Variants in FOXK1 observed in about 807,000 individuals in gnomAD.
The protein encoded by FOXK1 is forkhead box protein K1.
FOXK1 carries 19 observed loss-of-function variants against 51.9 expected under a neutral mutation model. The observed-to-expected ratio is 0.37, with a 90% CI of 0.26 to 0.54. The LOEUF is 0.54. FOXK1 is among the 20% of genes least tolerant of loss of function. The pLI is 0.87. For synonymous variants in FOXK1, 537 were observed against 482.6 expected (o/e 1.11, Z -1.48); for missense variants, 870 against 1,032.7 (o/e 0.84, Z 2.16).
Position 4,755,278 on chromosome 7 carries a change from G to T in FOXK1, c.945G>T (p.Val315=), listed in dbSNP as rs1163747411. The change falls in exon 4 of 9, where the codon GTG becomes GTT. Residue 315 remains valine (V), a synonymous_variant. Coordinates refer to ENST00000328914, the MANE Select transcript of FOXK1 (RefSeq NM_001037165.2). This position sits in a 1 kb window ranked among gnomAD's most constrained non-coding sequence, Gnocchi z 6.6. ...KPPFSYAQLI[V]QAISSAQDRQ... The stretch of plus-strand genomic sequence containing the variant: ...CGTTCTCCTACGCGCAGCTGATCGT[G>T]CAGGCCATCTCCTCCGCCCAGGACC... The T allele has an allele frequency of 6.2e-7, 1 of 1,613,956 alleles. No homozygotes were observed. Among genetic ancestry groups the T allele is most frequent in the Non-Finnish European group, 8.5e-7 (1 of 1,180,044 alleles).
chr7:4,705,540 T>TCG (rs1554249257), intron 1 of FOXK1, among the ~76,000 whole-genome samples: 40 of 127,614 alleles, frequency 3.1e-4, no homozygotes, highest in African/African-American at 1.2e-3. Context: ...TCTCTCTCTC[T>TCG]CTCTCTCTCT....
chr7:4,704,664 C>G (rs1321570687), intron 1 of FOXK1, among the ~76,000 whole-genome samples: 1 of 152,042 alleles, frequency 6.6e-6, no homozygotes, highest in Non-Finnish European at 1.5e-5. Flanking sequence ...AGGCTGACAT[C>G]AGTGACAGCA....
In FOXK1 at chr7:4,758,708, G is replaced by C. The variant is rs1780887478; in HGVS notation, c.1245-343G>C. 1 of 284,826 alleles carries C rather than the reference G, an allele frequency of 3.5e-6. No homozygotes were observed. Among genetic ancestry groups the C allele is most frequent in the South Asian group, 8.6e-5 (1 of 11,596 alleles). The allele number at this position is 284,826 out of a possible 1,614,324, so 17.6% of individuals were successfully genotyped here. A position where few individuals can be genotyped will look rare whatever the true frequency, so the allele number is the denominator to read the frequency against. ...GTGGAACGGTTGCGCCCACCAAACA[G>C]AAGCTTATGTTTTTGGCACAGAAGG... On this transcript the variant is annotated intron_variant, in intron 5 of 8. Coordinates refer to ENST00000328914, the MANE Select transcript of FOXK1 (RefSeq NM_001037165.2). This position sits in a 1 kb window ranked among gnomAD's most constrained non-coding sequence, Gnocchi z 4.4.
chr7:4,694,161 A>T (rs1352533014), intron 1 of FOXK1, among the ~76,000 whole-genome samples: 1 of 152,238 alleles, frequency 6.6e-6, no homozygotes, highest in African/African-American at 2.4e-5. Flanking sequence ...TGCTGGGATT[A>T]TAGGCCTGAG....
Position 4,766,984 on chromosome 7 carries a change from G to A in FOXK1, c.*4520G>A, listed in dbSNP as rs1781020376. 6.6e-6 allele frequency: 1 copy of A among 152,226 alleles called. No homozygotes were observed. 9.4% of individuals were successfully genotyped at this position (152,226 alleles called of 1,614,324 possible). The stretch of plus-strand genomic sequence containing the variant: ...TGGAGACAAAGAACAGACCTCAGTG[G>A]GAAAAATGAAAACGTAATGGAACAC... On this transcript the variant is annotated 3_prime_UTR_variant, in exon 9 of 9. Transcript: ENST00000328914. The surrounding 1 kb of genome is among the most constrained non-coding windows in gnomAD (Gnocchi z 5.5).
Position 4,740,866 on chromosome 7 carries a change from A to G in FOXK1, c.589A>G (p.Ile197Val), listed in dbSNP as rs377212477. ...QCTFRFPSTA[I>V]KIQFTSLYHK... ...TACCTTCCGGTTTCCCAGCACGGCC[A>G]TCAAGATCCAGTTCACGTCGCTCTA... The change falls in exon 2 of 9, where the codon ATC (isoleucine) becomes GTC (valine). Residue 197 changes from isoleucine (I) to valine (V), a missense_variant. Physicochemically the swap from Ile to Val is conservative, Grantham distance 29. Around this residue, in one of 3 missense-constraint regions of FOXK1, gnomAD observed 399 missense variants for 475.6 expected, o/e 0.84. Transcript: ENST00000328914. 2 of 1,596,212 alleles carry G rather than the reference A, an allele frequency of 1.3e-6. No homozygotes were observed. Among genetic ancestry groups the G allele is most frequent in the African/African-American group, 1.4e-5 (1 of 73,650 alleles).
rs1238365755 is a variant in FOXK1, at chr7:4,745,092, TCTC to T, written c.746+4076_746+4078del. The stretch of plus-strand genomic sequence containing the variant: ...CTGCCCTTCCCTGCCACCTCCCCAC[TCTC>T]CTCCTCTCTGGCTGCGCTCCCTAAC... On this transcript the variant is annotated intron_variant, in intron 2 of 8. Transcript: ENST00000328914. This position sits in a 1 kb window ranked among gnomAD's most constrained non-coding sequence, Gnocchi z 4.3. Among the ~76,000 whole-genome samples, 2 of 152,062 alleles carry T rather than the reference TCTC, an allele frequency of 1.3e-5. No individual in the cohort carries two copies. The highest frequency in any genetic ancestry group is 2.1e-4 in the South Asian group (1 of 4,822).
rs116584336 is a variant in FOXK1 at position 4,761,321 on chromosome 7, C to T, written c.1921+33C>T. Reference sequence around the variant, plus strand: ...CCTGGCCCTGTTCTCCATGCCACATCCCAAGCTCTGTGGCTCCCAGTAGTC... The same window carrying T: ...CCTGGCCCTGTTCTCCATGCCACATTCCAAGCTCTGTGGCTCCCAGTAGTC... On this transcript the variant is annotated intron_variant, in intron 8 of 8. Coordinates refer to ENST00000328914, the MANE Select transcript of FOXK1 (RefSeq NM_001037165.2). This position sits in a 1 kb window ranked among gnomAD's most constrained non-coding sequence, Gnocchi z 6.2. 851 of 1,586,672 alleles carry T rather than the reference C, an allele frequency of 5.4e-4. 1 individual carries two copies. The African/African-American group carries it at 8.2e-3, about 15-fold the overall frequency.
chr7:4,740,823 C>G lies in FOXK1; in HGVS notation c.561-15C>G. The G allele has an allele frequency of 1.3e-6, 2 of 1,585,680 alleles. No homozygotes were observed. Among genetic ancestry groups the G allele is most frequent in the Non-Finnish European group, 8.5e-7 (1 of 1,169,784 alleles). On this transcript the variant is annotated splice_polypyrimidine_tract_variant and intron_variant, in intron 1 of 8. Coordinates refer to ENST00000328914, the MANE Select transcript of FOXK1 (RefSeq NM_001037165.2). The stretch of plus-strand genomic sequence containing the variant: ...CTCCTCCTGCACCTCACACCCGCTC[C>G]TCCTCCTGTTGCAGGTGTACCTTCC...
rs1293731485 is a variant in FOXK1 at position 4,740,896 on chromosome 7, A to G, written c.619A>G (p.Lys207Glu). 1.3e-6 allele frequency: 2 copies of G among 1,594,018 alleles called. No individual in the cohort carries two copies. The highest frequency in any genetic ancestry group is 1.7e-6 in the Non-Finnish European group (2 of 1,171,502). ...IKIQFTSLYH[K>E]EEAPASPLRP... The stretch of plus-strand genomic sequence containing the variant: ...GATCCAGTTCACGTCGCTCTATCAC[A>G]AAGAAGAGGCCCCAGCCTCCCCGCT... The change falls in exon 2 of 9, where the codon AAA becomes GAA. Residue 207 changes from lysine to glutamate, a missense_variant. Coordinates refer to ENST00000328914, the MANE Select transcript of FOXK1 (RefSeq NM_001037165.2).
chr7:4,739,236 G>A (rs1042535960), intron 1 of FOXK1, among the ~76,000 whole-genome samples: 17 of 152,148 alleles, frequency 1.1e-4, no homozygotes, highest in African/African-American at 3.9e-4. Context: ...TACTTTGCCC[G>A]TCCTGAATGC....
rs1780090331 is a variant in FOXK1 at position 4,705,986 on chromosome 7, ATATATACGTATATATACGTATATATACG to A, written c.560+23125_560+23152del. Among the ~76,000 whole-genome samples, 5 of 104,970 alleles carry A rather than the reference ATATATACGTATATATACGTATATATACG, an allele frequency of 4.8e-5. 1 individual carries two copies. The highest frequency in any genetic ancestry group is 2.7e-4 in the African/African-American group (5 of 18,786). 68.9% of individuals were successfully genotyped at this position (104,970 alleles called of 152,430 possible). A position where few individuals can be genotyped will look rare whatever the true frequency, so the allele number is the denominator to read the frequency against. ...TATATATATATACGTATATATACGT[ATATATACGTATATATACGTATATATACG>A]TATATATACGTGTATATACGTGTAT... is the stretch of plus-strand genomic sequence containing the variant. On this transcript the variant is annotated intron_variant, in intron 1 of 8. Coordinates refer to ENST00000328914, the MANE Select transcript of FOXK1 (RefSeq NM_001037165.2).
chr7:4,738,755 C>A (rs759004422), intron 1 of FOXK1, among the ~76,000 whole-genome samples: 5 of 152,150 alleles, frequency 3.3e-5, no homozygotes, highest in Admixed American at 6.5e-5. Context: ...TGCCCACAGG[C>A]CTGACAGCGC....
intron 1 of FOXK1, among the ~76,000 whole-genome samples, chr7:4,725,264 G>A (rs75660294): frequency 0.038 from 5,862 of 152,356 alleles, 179 homozygotes; most frequent in Non-Finnish European, 0.063. Flanking sequence ...CCAGGTGGCC[G>A]GAACGCCCCT....
intron 2 of FOXK1, among the ~76,000 whole-genome samples, chr7:4,746,217 C>T (rs1048457175): frequency 6.6e-6 from 1 of 152,204 alleles, no homozygotes; most frequent in Non-Finnish European, 1.5e-5. Flanking sequence ...CAAAATCTTT[C>T]CCTTTTAATC....
rs1401550516 is a variant in FOXK1, at chr7:4,748,225, TTCTC to T, written c.747-6229_747-6226del. 6.6e-6 allele frequency among the ~76,000 whole-genome samples: 1 copy of T among 152,202 alleles called. No homozygotes were observed. ...CACAACGCTCCCCAGAGCTGAGCCC[TTCTC>T]TCTCACTTCTGTGTCTCTGAGTCGT... On this transcript the variant is annotated intron_variant, in intron 2 of 8. Transcript: ENST00000328914. The surrounding 1 kb of genome is among the most constrained non-coding windows in gnomAD (Gnocchi z 4.9).
At chr7:4,726,387 G>A (rs375324732) in intron 1 of FOXK1, among the ~76,000 whole-genome samples, 1 of 152,026 alleles carries the variant, frequency 6.6e-6, no homozygotes, top group East Asian at 1.9e-4. Flanking sequence ...AGCAAAACTG[G>A]GCCTGGCAGA....
At chr7:4,744,406 C>T (rs1470650983) in intron 2 of FOXK1, among the ~76,000 whole-genome samples, 1 of 152,190 alleles carries the variant, frequency 6.6e-6, no homozygotes, top group African/African-American at 2.4e-5. Flanking sequence ...TCGCCCTCTC[C>T]CGCCTCCCTG....
intron 1 of FOXK1, among the ~76,000 whole-genome samples, chr7:4,691,127 G>T (rs892564167): frequency 6.6e-6 from 1 of 152,288 alleles, no homozygotes; most frequent in Middle Eastern, 3.4e-3. Flanking sequence ...CGTGTGGCGT[G>T]CTGCCAGGAA....
Sources: gnomAD v4.1 joint callset for allele counts (sites outside exome capture counted in the v4.1 genomes callset) on GRCh38, gnomAD v4.1.1 for gene constraint, gnomAD v4.1.1 regional missense constraint, Gnocchi (gnomAD v3.1) non-coding constraint, MANE v1.5 for transcripts, NCBI Gene and HGNC (gene_info 2026-07-23, HGNC 2026-07-21) for gene names.